The following NLGN4Y variants were observed in gnomAD, a reference collection of about 807,000 sequenced individuals.
NLGN4Y encodes the protein neuroligin-4, Y-linked.
NLGN4Y carries 4 observed loss-of-function variants against 8.4 expected under a neutral mutation model. The ratio of observed to expected loss-of-function variants is 0.48; its 90% CI spans 0.23 to 1.09. NLGN4Y has a LOEUF of 1.09. Ranked by LOEUF, NLGN4Y falls within the 50% of genes least tolerant of loss-of-function variation. The pLI, the probability that NLGN4Y is intolerant of heterozygous loss-of-function variation, is 0.19. For missense variants in NLGN4Y, 90 were observed against 192.3 expected (o/e 0.47, Z 3.15); for synonymous variants, 35 against 75.6 (o/e 0.46, Z 2.78).
intron 4 of NLGN4Y, among the ~76,000 whole-genome samples, chrY:14,779,206 C>T (rs2081138116): frequency 3.0e-5 from 1 of 33,074 alleles, no homozygotes; most frequent in South Asian, 6.9e-4. Context: ...TGAAACTCTG[C>T]CCAGCTGATA....
At chrY:14,777,700 C>T (rs2081132115) in intron 4 of NLGN4Y, among the ~76,000 whole-genome samples, 7 of 29,539 alleles carry the variant, frequency 2.4e-4, no homozygotes, top group African/African-American at 8.0e-4. Flanking sequence ...AGAGAAATTG[C>T]CGTGGTTCAT....
At chrY:14,743,065 C>T in intron 4 of NLGN4Y, among the ~76,000 whole-genome samples, 2 of 33,060 alleles carry the variant, frequency 6.0e-5, no homozygotes, top group South Asian at 6.5e-4. Context: ...CTACAGATCA[C>T]GTTAGCTAAT....
At chrY:14,758,219 G>C in intron 4 of NLGN4Y, among the ~76,000 whole-genome samples, 1 of 32,866 alleles carries the variant, frequency 3.0e-5, no homozygotes, top group African/African-American at 1.2e-4. Flanking sequence ...CTTTCTTCAT[G>C]GGTTTGGTAA....
chrY:14,708,098 T>TA (rs2080888612), intron 2 of NLGN4Y, among the ~76,000 whole-genome samples: 6 of 33,468 alleles, frequency 1.8e-4, no homozygotes, highest in African/African-American at 7.0e-4. Context: ...CAAGTTTTTT[T>TA]AAAAAAATAG....
chrY:14,755,042 A>G, intron 4 of NLGN4Y, among the ~76,000 whole-genome samples: 2 of 33,361 alleles, frequency 6.0e-5, no homozygotes, highest in African/African-American at 2.3e-4. Flanking sequence ...TTCAGTAACT[A>G]AAATAGGTAT....
intron 1 of NLGN4Y, among the ~76,000 whole-genome samples, chrY:14,590,885 G>A: frequency 3.0e-5 from 1 of 33,523 alleles, no homozygotes; most frequent in Non-Finnish European, 7.4e-5. Context: ...GTTTTGGAGA[G>A]TCACTGCTGC....
At chrY:14,675,505 T>A (rs2080745977) in intron 2 of NLGN4Y, among the ~76,000 whole-genome samples, 2 of 33,055 alleles carry the variant, frequency 6.1e-5, no homozygotes, top group African/African-American at 2.4e-4. Flanking sequence ...CTGCTAGCAT[T>A]AATGGAATTA....
rs1569366691 is a variant in NLGN4Y, at chrY:14,684,415, C to A, written c.473-35044C>A. 1.8e-4 allele frequency among the ~76,000 whole-genome samples: 6 copies of A among 32,698 alleles called. No homozygotes were observed. In the South Asian group the frequency reaches 2.2e-3, roughly 12 times the overall value. 87.7% of individuals were successfully genotyped at this position (32,698 alleles called of 37,273 possible). On this transcript the variant is annotated intron_variant, in intron 2 of 6. Transcript: ENST00000684976. ...TGTACATCAATCATGGCATCAGGAT[C>A]TGCTTCAAGGGTACAGATCCTAGTG...
At chrY:14,695,601 G>A (rs2080824940) in intron 2 of NLGN4Y, among the ~76,000 whole-genome samples, 1 of 33,030 alleles carries the variant, frequency 3.0e-5, no homozygotes. Flanking sequence ...TGAAATTTCC[G>A]GGAGTTTGTG....
At chrY:14,725,905 T>C (rs2080954038) in intron 4 of NLGN4Y, among the ~76,000 whole-genome samples, 2 of 33,389 alleles carry the variant, frequency 6.0e-5, no homozygotes, top group Non-Finnish European at 1.5e-4. Context: ...TGAATAATGA[T>C]TATGTAACAT....
At chrY:14,839,562 G>A (rs767862055) in intron 6 of NLGN4Y, among the ~76,000 whole-genome samples, 56 of 32,885 alleles carry the variant, frequency 1.7e-3, no homozygotes, top group African/African-American at 5.9e-3. Flanking sequence ...TAACCTTGGC[G>A]TAAATATATG....
chrY:14,598,095 C>A, intron 1 of NLGN4Y, among the ~76,000 whole-genome samples: 3 of 35,037 alleles, frequency 8.6e-5, no homozygotes, highest in Non-Finnish European at 1.4e-4. Context: ...TATACAGATT[C>A]TCCACGTCCC....
intron 4 of NLGN4Y, among the ~76,000 whole-genome samples, chrY:14,785,189 G>C: frequency 3.0e-5 from 1 of 33,293 alleles, no homozygotes; most frequent in Non-Finnish European, 7.4e-5. Context: ...AGTTTTCTTG[G>C]GTTTCACCTC....
intron 1 of NLGN4Y, among the ~76,000 whole-genome samples, chrY:14,578,869 C>G: frequency 8.8e-5 from 3 of 34,044 alleles, no homozygotes; most frequent in Non-Finnish European, 1.5e-4. Context: ...AATATAGAAA[C>G]TTTCATTATT....
At chrY:14,837,367 C>T (rs2043200832) in intron 6 of NLGN4Y, among the ~76,000 whole-genome samples, 1 of 33,203 alleles carries the variant, frequency 3.0e-5, no homozygotes, top group Non-Finnish European at 7.4e-5. Context: ...AAGAAATGAA[C>T]AAGACCTTAG....
At chrY:14,586,600 C>G (rs374971999) in intron 1 of NLGN4Y, among the ~76,000 whole-genome samples, 1 of 32,156 alleles carries the variant, frequency 3.1e-5, no homozygotes, top group African/African-American at 1.2e-4. Flanking sequence ...GAGGCTGAGG[C>G]GGGCAGATCA....
At chrY:14,580,594 C>T in intron 1 of NLGN4Y, among the ~76,000 whole-genome samples, 1 of 32,363 alleles carries the variant, frequency 3.1e-5, no homozygotes, top group Admixed American at 2.8e-4. Flanking sequence ...AGTATTAATG[C>T]CTGTGCTATG....
At chrY:14,758,165 T>C (rs2081068598) in intron 4 of NLGN4Y, among the ~76,000 whole-genome samples, 2 of 33,921 alleles carry the variant, frequency 5.9e-5, no homozygotes, top group Non-Finnish European at 7.3e-5. Flanking sequence ...ACTATCATAA[T>C]TCTTTTGGCA....
At chrY:14,721,938 G>A (rs2080936335) in intron 3 of NLGN4Y, among the ~76,000 whole-genome samples, 1 of 32,974 alleles carries the variant, frequency 3.0e-5, no homozygotes, top group African/African-American at 1.2e-4. Flanking sequence ...TCCACAGATA[G>A]TCTCTAACTT....
Sources: allele counts gnomAD v4.1 joint callset (sites outside exome capture counted in the v4.1 genomes callset), GRCh38; gene constraint gnomAD v4.1.1; transcripts MANE v1.5; gene names NCBI Gene and HGNC (gene_info 2026-07-23, HGNC 2026-07-21).